Variants in CASZ1 observed in about 807,000 individuals in gnomAD.
The protein encoded by CASZ1 is zinc finger protein castor homolog 1.
CASZ1 carries 28 observed loss-of-function variants against 135.2 expected under a neutral mutation model. That is an observed-to-expected ratio of 0.21 (90% CI 0.15 to 0.28). CASZ1 has a LOEUF of 0.28. Among genes scored for constraint, CASZ1 ranks in the 10% least tolerant of loss-of-function variants. The pLI is 1.00. For synonymous variants in CASZ1, 1,068 were observed against 1,073.4 expected, an observed-to-expected ratio of 0.99 and a Z score of 0.10; for missense variants, 2,161 against 2,453.3, an observed-to-expected ratio of 0.88 and a Z score of 2.52.
At chr1:10,645,421 T>C (rs1642338195) in intron 17 of CASZ1, among the ~76,000 whole-genome samples, 2 of 152,070 alleles carry the variant, frequency 1.3e-5, no homozygotes, top group Non-Finnish European at 2.9e-5. Context: ...TCCCAGCTAC[T>C]CGGGAGGTTG....
At position 10,757,485 on chromosome 1, in the gene CASZ1, T is replaced by G. The variant is rs1045570925; in HGVS notation, c.-77+3216A>C. Among the ~76,000 whole-genome samples, 4 of 152,076 alleles carry G rather than the reference T, an allele frequency of 2.6e-5. No individual in the cohort carries two copies. Among genetic ancestry groups the G allele is most frequent in the African/African-American group, 9.7e-5 (4 of 41,404 alleles). The stretch of plus-strand genomic sequence containing the variant: ...AATTTCTTCCCTTGGCAGCCCCAAC[T>G]ACCTTTTTAAAACAAACATTGGCTG... On this transcript the variant is annotated intron_variant, in intron 2 of 20. Transcript: ENST00000377022. This position sits in a 1 kb window ranked among gnomAD's most constrained non-coding sequence, Gnocchi z 4.6.
intron 2 of CASZ1, among the ~76,000 whole-genome samples, chr1:10,754,745 G>C (rs926789301): frequency 2.6e-5 from 4 of 152,180 alleles, no homozygotes; most frequent in African/African-American, 4.8e-5. Context: ...GCTGCTGCCC[G>C]GGCCCAGCTC....
At chr1:10,748,892 T>C (rs1640097139) in intron 2 of CASZ1, among the ~76,000 whole-genome samples, 1 of 152,208 alleles carries the variant, frequency 6.6e-6, no homozygotes, top group Admixed American at 6.5e-5. Context: ...GAATCAGACC[T>C]CCTGAGGCAG....
At position 10,794,072 on chromosome 1, in the gene CASZ1, C is replaced by G. The variant is rs538926995; in HGVS notation, c.-234+2492G>C. Among the ~76,000 whole-genome samples, 160 of 152,282 alleles carry G rather than the reference C, an allele frequency of 1.1e-3. No individual in the cohort carries two copies. The highest frequency in any genetic ancestry group is 1.8e-3 in the Admixed American group (28 of 15,306). On this transcript the variant is annotated intron_variant, in intron 1 of 20. Coordinates refer to ENST00000377022, the MANE Select transcript of CASZ1 (RefSeq NM_001079843.3). This position sits in a 1 kb window ranked among gnomAD's most constrained non-coding sequence, Gnocchi z 5.6. ...CTCAGCCCCCGGGGAACAACTACCC[C>G]CCTCCCCATGCCCGGCGCAGCTGCT...
intron 2 of CASZ1, among the ~76,000 whole-genome samples, chr1:10,705,999 A>T (rs1233469914): frequency 6.6e-6 from 1 of 152,228 alleles, no homozygotes; most frequent in Non-Finnish European, 1.5e-5. Context: ...GGGCCCCTGA[A>T]CATAAAAATG....
intron 1 of CASZ1, among the ~76,000 whole-genome samples, chr1:10,764,088 C>G (rs1393573093): frequency 6.6e-6 from 1 of 152,208 alleles, no homozygotes; most frequent in East Asian, 1.9e-4. Flanking sequence ...GTCTCGAACT[C>G]CTGACCTCAG....
chr1:10,756,507 G>A lies in CASZ1; in HGVS notation c.-77+4194C>T, dbSNP rs995147988. Among the ~76,000 whole-genome samples the A allele has an allele frequency of 2.0e-5, 3 of 152,234 alleles. No homozygotes were observed. The highest frequency in any genetic ancestry group is 7.2e-5 in the African/African-American group (3 of 41,470). On this transcript the variant is annotated intron_variant, in intron 2 of 20. Coordinates refer to ENST00000377022, the MANE Select transcript of CASZ1 (RefSeq NM_001079843.3). This position sits in a 1 kb window ranked among gnomAD's most constrained non-coding sequence, Gnocchi z 5.9. ...AACCAGGCCTCTGGCTTGCTCCAGG[G>A]CTACAGGGCAGTGCCCAGGGCGGCA...
intron 4 of CASZ1, among the ~76,000 whole-genome samples, chr1:10,674,374 C>A (rs1005991258): frequency 6.6e-6 from 1 of 152,254 alleles, no homozygotes. Flanking sequence ...CACCAGCCGA[C>A]GCAGACAGTC....
In CASZ1 at chr1:10,794,236, C is replaced by T. The variant is rs901433467; in HGVS notation, c.-234+2328G>A. 1.3e-5 allele frequency among the ~76,000 whole-genome samples: 2 copies of T among 152,002 alleles called. No homozygotes were observed. The highest frequency in any genetic ancestry group is 4.1e-4 in the South Asian group (2 of 4,826). ...GCGTCGTGGGTTGGGCGGGGGGACA[C>T]CAAGATTATCCGGCGATCTGTTTTC... On this transcript the variant is annotated intron_variant, in intron 1 of 20. Transcript: ENST00000377022. The surrounding 1 kb of genome is among the most constrained non-coding windows in gnomAD (Gnocchi z 5.6).
chr1:10,680,891 ATCTTTCTT>A (rs200567467), intron 4 of CASZ1, among the ~76,000 whole-genome samples: 1 of 151,978 alleles, frequency 6.6e-6, no homozygotes, highest in Non-Finnish European at 1.5e-5. Context: ...CCTCACCCCC[ATCTTTCTT>A]TCTTTCTTTC....
Position 10,757,332 on chromosome 1 carries a change from T to C in CASZ1, c.-77+3369A>G, listed in dbSNP as rs547757432. 3.3e-5 allele frequency among the ~76,000 whole-genome samples: 5 copies of C among 152,280 alleles called. No individual in the cohort carries two copies. Among genetic ancestry groups the C allele is most frequent in the Admixed American group, 1.3e-4 (2 of 15,306 alleles). On this transcript the variant is annotated intron_variant, in intron 2 of 20. Transcript: ENST00000377022. The surrounding 1 kb of genome is among the most constrained non-coding windows in gnomAD (Gnocchi z 4.6). ...TTTCCTTGCCCCGTTGAATCCATCA[T>C]TGAGTCCTGCTAACTCTTCCTCTAT...
chr1:10,794,935 T>A lies in CASZ1; in HGVS notation c.-234+1629A>T, dbSNP rs1204701763. On this transcript the variant is annotated intron_variant, in intron 1 of 20. Transcript: ENST00000377022. The surrounding 1 kb of genome is among the most constrained non-coding windows in gnomAD (Gnocchi z 5.6). Reference sequence around the variant, plus strand: ...CCCGCCAGCGGCCCCAGCGCGCCTCTGCCCGCACCTCGCCACCCCGGCGGC... The same window carrying A: ...CCCGCCAGCGGCCCCAGCGCGCCTCAGCCCGCACCTCGCCACCCCGGCGGC... 6.7e-6 allele frequency among the ~76,000 whole-genome samples: 1 copy of A among 149,888 alleles called. No homozygotes were observed. The highest frequency in any genetic ancestry group is 1.5e-5 in the Non-Finnish European group (1 of 67,302).
chr1:10,640,253 T>G (rs966137860), intron 20 of CASZ1, among the ~76,000 whole-genome samples, 194 bp from the exon 21 acceptor site: 5 of 152,196 alleles, frequency 3.3e-5, no homozygotes, highest in Non-Finnish European at 7.4e-5. Context: ...GGTCCTGGGC[T>G]TCCCCTCCTC....
At chr1:10,649,541 G>A (rs1438872708) in intron 13 of CASZ1, 104 bp from the exon 14 acceptor site, 1 of 1,314,724 alleles carries the variant, frequency 7.6e-7, no homozygotes, top group Non-Finnish European at 1.0e-6. Context: ...GACCCACCCA[G>A]CCCTCAGAGC....
In CASZ1 at chr1:10,655,688, G is replaced by A; in HGVS notation, c.1626C>T (p.Cys542=). Residue 542 remains cysteine, a synonymous_variant, in exon 9 of 21, where the codon TGC becomes TGT. Coordinates refer to ENST00000377022, the MANE Select transcript of CASZ1 (RefSeq NM_001079843.3). ...AGTGGGTGCTCTTCCCATTGAGGTG[G>A]CAGCCGTGGTAGTAGACGCTGCAGT... ...LDDCSVYYHG[C]HLNGKSTHYH... 1 of 1,614,002 alleles carries A rather than the reference G, an allele frequency of 6.2e-7. No homozygotes were observed. Among genetic ancestry groups the A allele is most frequent in the African/African-American group, 1.3e-5 (1 of 75,070 alleles).
In CASZ1 at chr1:10,647,985, G is replaced by A; in HGVS notation, c.3313C>T (p.Pro1105Ser). The A allele has an allele frequency of 6.2e-7, 1 of 1,606,456 alleles. No homozygotes were observed. Among genetic ancestry groups the A allele is most frequent in the Non-Finnish European group, 8.5e-7 (1 of 1,175,970 alleles). Reference sequence around the variant, plus strand: ...GTGGAGGGCACGGAGGCCGGGCTGGGAGCGGGCCCCTCCAGAGAGGACACC... The same window carrying A: ...GTGGAGGGCACGGAGGCCGGGCTGGAAGCGGGCCCCTCCAGAGAGGACACC... ...ATVSSLEGPA[P>S]SPASVPSTPT... is the part of the protein sequence containing the mutation. The change falls in exon 16 of 21, where the codon CCC becomes TCC. Residue 1105 changes from proline to serine, a missense_variant. Physicochemically the swap from Pro to Ser is moderately conservative, Grantham distance 74. Transcript: ENST00000377022. This position sits in a 1 kb window ranked among gnomAD's most constrained non-coding sequence, Gnocchi z 4.9.
rs1639569399 is a variant in CASZ1 at position 10,724,924 on chromosome 1, A to T, written c.-76-19380T>A. The stretch of plus-strand genomic sequence containing the variant: ...TCCTTGTGGTTTGAATTTAATTTTG[A>T]TTTTCTCAACTTCAGCAGATTGAAG... On this transcript the variant is annotated intron_variant, in intron 2 of 20. Transcript: ENST00000377022. The surrounding 1 kb of genome is among the most constrained non-coding windows in gnomAD (Gnocchi z 4.1). 6.6e-6 allele frequency among the ~76,000 whole-genome samples: 1 copy of T among 152,162 alleles called. No homozygotes were observed. The highest frequency in any genetic ancestry group is 2.4e-5 in the African/African-American group (1 of 41,438).
At chr1:10,746,623 C>G (rs1281854826) in intron 2 of CASZ1, among the ~76,000 whole-genome samples, 2 of 152,230 alleles carry the variant, frequency 1.3e-5, no homozygotes, top group African/African-American at 4.8e-5. Context: ...AGAACCAAGA[C>G]AGCACCTTGC....
At chr1:10,770,403 C>CT (rs1033785590) in intron 1 of CASZ1, among the ~76,000 whole-genome samples, 3 of 152,098 alleles carry the variant, frequency 2.0e-5, no homozygotes, top group Non-Finnish European at 2.9e-5. Flanking sequence ...TTTCTTTATA[C>CT]TTTTTTGTAT....
Sources: allele counts gnomAD v4.1 joint callset (sites outside exome capture counted in the v4.1 genomes callset), GRCh38; gene constraint gnomAD v4.1.1; non-coding constraint Gnocchi (gnomAD v3.1); transcripts MANE v1.5; gene names NCBI Gene and HGNC (gene_info 2026-07-23, HGNC 2026-07-21).